SLC39A14: variants seen among roughly 807,000 people sequenced by gnomAD.
SLC39A14 encodes the protein metal cation symporter ZIP14.
A neutral mutation model predicts 45.5 loss-of-function variants in SLC39A14; 19 were observed. That is an observed-to-expected ratio of 0.42 (90% CI 0.29 to 0.61). SLC39A14 has a LOEUF of 0.61. Ranked by LOEUF, SLC39A14 falls within the 20% of genes least tolerant of loss-of-function variation. The pLI, the probability that SLC39A14 is intolerant of heterozygous loss-of-function variation, is 0.22. For synonymous variants in SLC39A14, 264 were observed against 251.3 expected, an observed-to-expected ratio of 1.05 and a Z score of -0.48; for missense variants, 447 against 616.5, an observed-to-expected ratio of 0.73 and a Z score of 2.91.
Position 22,417,716 on chromosome 8 carries a change from T to C in SLC39A14, c.1213T>C (p.Ser405Pro). 1 of 1,614,174 alleles carries C rather than the reference T, an allele frequency of 6.2e-7. No individual in the cohort carries two copies. Among genetic ancestry groups the C allele is most frequent in the Non-Finnish European group, 8.5e-7 (1 of 1,180,032 alleles). ...IQQALFFNFL[S>P]ACCCYLGLAF... Reference sequence around the variant, plus strand: ...ACAAGCTCTCTTCTTCAACTTCCTTTCTGCCTGCTGCTGCTACCTGGGTCT... The same window carrying C: ...ACAAGCTCTCTTCTTCAACTTCCTTCCTGCCTGCTGCTGCTACCTGGGTCT... The change falls in exon 8 of 9, where the codon TCT becomes CCT. Residue 405 changes from serine (S) to proline (P), a missense_variant. Physicochemically the swap from Ser to Pro is moderately conservative, Grantham distance 74. Coordinates refer to ENST00000381237, the MANE Select transcript of SLC39A14 (RefSeq NM_001128431.4).
downstream of SLC39A14, among the ~76,000 whole-genome samples, chr8:22,426,986 G>T (rs1390028588): frequency 1.3e-5 from 2 of 151,578 alleles, no homozygotes; most frequent in Admixed American, 6.6e-5. Context: ...CGATCAATGT[G>T]CTCTCTTAAA....
chr8:22,389,672 G>A (rs1021749318), intron 1 of SLC39A14, among the ~76,000 whole-genome samples: 4 of 152,106 alleles, frequency 2.6e-5, no homozygotes, highest in Non-Finnish European at 4.4e-5. Flanking sequence ...CCGGGGTGGC[G>A]AGGTGAGAGG....
intron 5 of SLC39A14, 122 bp downstream of exon 5, chr8:22,415,024 C>CT (rs570028996): frequency 3.5e-5 from 43 of 1,218,504 alleles, no homozygotes; most frequent in African/African-American, 1.5e-4. Context: ...CCGTGAAACT[C>CT]TAATTTCTTG....
Position 22,416,090 on chromosome 8 carries a change from G to C in SLC39A14, c.957G>C (p.Gln319His), listed in dbSNP as rs183697721. The C allele has an allele frequency of 1.2e-6, 2 of 1,614,124 alleles. No individual in the cohort carries two copies. The highest frequency in any genetic ancestry group is 2.2e-5 in the East Asian group (1 of 44,864). ...TCTCCTAGGACCTGCAGGCTTCCCA[G>C]AGTGCTTGCTACTGGCTGAAAGGTG... ...SLSVQDLQAS[Q>H]SACYWLKGVR... The change falls in exon 7 of 9, where the codon CAG becomes CAC. Residue 319 changes from glutamine (Q) to histidine (H), a missense_variant. Coordinates refer to ENST00000381237, the MANE Select transcript of SLC39A14 (RefSeq NM_001128431.4).
In SLC39A14 at chr8:22,415,930, G is replaced by A. The variant is rs1835850570; in HGVS notation, c.912G>A (p.Lys304=). The A allele has an allele frequency of 6.2e-7, 1 of 1,606,928 alleles. No individual in the cohort carries two copies. Among genetic ancestry groups the A allele is most frequent in the Non-Finnish European group, 8.5e-7 (1 of 1,175,862 alleles). ...LDGKAPMVDE[K]VIVGSLSVQD... ...GCAAGGCGCCCATGGTGGACGAGAA[G>A]GTCATTGTGGGCTCGCTCTCTGTGC... The change falls in exon 6 of 9, where the codon AAG becomes AAA. Residue 304 remains lysine (K), a synonymous_variant. Transcript: ENST00000381237.
At chr8:22,402,520 A>C (rs949806434) in intron 1 of SLC39A14, among the ~76,000 whole-genome samples, 1 of 152,230 alleles carries the variant, frequency 6.6e-6, no homozygotes, top group African/African-American at 2.4e-5. Flanking sequence ...CTACAATCCC[A>C]ACACTTGGGG....
downstream of SLC39A14, among the ~76,000 whole-genome samples, chr8:22,426,583 G>A (rs1204639928): frequency 1.3e-5 from 2 of 152,194 alleles, no homozygotes; most frequent in Non-Finnish European, 2.9e-5. Context: ...ATCCACACAG[G>A]TTTTCACAAA....
At chr8:22,371,414 C>CTTTTTTTTTTTTTT (rs373230777) in intron 1 of SLC39A14, among the ~76,000 whole-genome samples, 3 of 120,052 alleles carry the variant, frequency 2.5e-5, no homozygotes, top group Non-Finnish European at 6.1e-5. Context: ...AAATACATGT[C>CTTTTTTTTTTTTTT]TTTTTTTTTT....
intron 1 of SLC39A14, among the ~76,000 whole-genome samples, chr8:22,395,471 G>C (rs1834333654): frequency 6.6e-6 from 1 of 152,168 alleles, no homozygotes; most frequent in Non-Finnish European, 1.5e-5. Context: ...TGAACACCAA[G>C]CATATAGGAG....
At position 22,421,005 on chromosome 8, in the gene SLC39A14, C is replaced by G; in HGVS notation, c.*1307C>G. 1 of 985,908 alleles carries G rather than the reference C, an allele frequency of 1.0e-6. No homozygotes were observed. The allele number at this position is 985,908 out of a possible 1,614,324, so 61.1% of individuals were successfully genotyped here. ...TAAAACTGTAGGCCAGCCTTAGCCA[C>G]TGTGGAGCCCTTGCCTCCGAGCTCT... On this transcript the variant is annotated 3_prime_UTR_variant, in exon 9 of 9. Transcript: ENST00000381237.
intron 1 of SLC39A14, among the ~76,000 whole-genome samples, chr8:22,384,506 G>T (rs1833679024): frequency 6.6e-6 from 1 of 151,456 alleles, no homozygotes; most frequent in African/African-American, 2.4e-5. Flanking sequence ...CCAGCACTTT[G>T]AGAGGCCAAG....
chr8:22,379,117 G>A (rs111644483), intron 1 of SLC39A14, among the ~76,000 whole-genome samples: 4,831 of 152,176 alleles, frequency 0.032, 236 homozygotes, highest in African/African-American at 0.11. Flanking sequence ...CTCTGCCTCT[G>A]TCTTCACGTG....
At chr8:22,384,281 T>A (rs1363295546) in intron 1 of SLC39A14, among the ~76,000 whole-genome samples, 3 of 152,130 alleles carry the variant, frequency 2.0e-5, no homozygotes, top group Non-Finnish European at 4.4e-5. Flanking sequence ...TTGTGGACTT[T>A]CCTTTTTCTT....
At chr8:22,388,463 C>T (rs73670412) in intron 1 of SLC39A14, among the ~76,000 whole-genome samples, 20,183 of 151,786 alleles carry the variant, frequency 0.13, 1,348 homozygotes, top group East Asian at 0.18. Context: ...GTGGGTAGGA[C>T]GCCAGTTGGA....
At chr8:22,418,928 C>G (rs1468380245) in intron 8 of SLC39A14, among the ~76,000 whole-genome samples, 1 of 152,008 alleles carries the variant, frequency 6.6e-6, no homozygotes, top group Non-Finnish European at 1.5e-5. Context: ...ACTCAGGAGG[C>G]TGAAGTGGGA....
intron 7 of SLC39A14, among the ~76,000 whole-genome samples, 193 bp downstream of exon 7, chr8:22,416,473 G>A (rs374281806): frequency 1.3e-5 from 2 of 152,044 alleles, no homozygotes; most frequent in East Asian, 1.9e-4. Flanking sequence ...TGCCCAGGCC[G>A]GAGTGCAGTG....
At position 22,381,472 on chromosome 8, in the gene SLC39A14, G is replaced by A. The variant is rs183685652; in HGVS notation, c.-16+14064G>A. Among the ~76,000 whole-genome samples, 881 of 142,660 alleles carry A rather than the reference G, an allele frequency of 6.2e-3. 4 individuals carry two copies. The highest frequency in any genetic ancestry group is 0.014 in the Middle Eastern group (3 of 216). The allele number at this position is 142,660 out of a possible 152,430, so 93.6% of individuals were successfully genotyped here. On this transcript the variant is annotated intron_variant, in intron 1 of 8. Coordinates refer to ENST00000381237, the MANE Select transcript of SLC39A14 (RefSeq NM_001128431.4). ...TTTTTAGTAGAGATGGGGTTTCACCGAGTTAGACAGGATGGTCTCGATCTC... is the reference window on the plus strand; with the variant it reads ...TTTTTAGTAGAGATGGGGTTTCACCAAGTTAGACAGGATGGTCTCGATCTC...
intron 2 of SLC39A14, among the ~76,000 whole-genome samples, chr8:22,406,470 G>C (rs1835218129): frequency 6.6e-6 from 1 of 152,226 alleles, no homozygotes; most frequent in South Asian, 2.1e-4. Context: ...GAGGCAGGTG[G>C]ATCACGAGGT....
chr8:22,405,492 A>C (rs371815969), intron 2 of SLC39A14, among the ~76,000 whole-genome samples: 1 of 152,168 alleles, frequency 6.6e-6, no homozygotes, highest in East Asian at 1.9e-4. Context: ...CAGCCTGGGC[A>C]ACAGAGCGAG....
Sources: allele counts gnomAD v4.1 joint callset (sites outside exome capture counted in the v4.1 genomes callset), GRCh38; gene constraint gnomAD v4.1.1; transcripts MANE v1.5; gene names NCBI Gene and HGNC (gene_info 2026-07-23, HGNC 2026-07-21).